Variants in SLX4IP observed in about 807,000 individuals in gnomAD.
SLX4IP encodes protein SLX4IP.
SLX4IP carries 34 observed loss-of-function variants against 32.9 expected under a neutral mutation model. That is an observed-to-expected ratio of 1.03 (90% CI 0.79 to 1.38). The LOEUF is 1.38. Ranked by LOEUF, SLX4IP falls within the 40% of genes most tolerant of loss-of-function variation. The pLI is 0.00. For missense variants in SLX4IP, 444 were observed against 479.0 expected, an observed-to-expected ratio of 0.93 and a Z score of 0.68; for synonymous variants, 172 against 171.7, an observed-to-expected ratio of 1.00 and a Z score of -0.01.
intron 2 of SLX4IP, among the ~76,000 whole-genome samples, chr20:10,518,496 T>C (rs2065876158): frequency 4.3e-5 from 1 of 22,994 alleles, no homozygotes; most frequent in Non-Finnish European, 8.8e-5. Flanking sequence ...TCCTTTTCCT[T>C]CCTTCCTTCC....
chr20:10,500,284 C>T (rs1361027739), intron 2 of SLX4IP, among the ~76,000 whole-genome samples: 1 of 151,948 alleles, frequency 6.6e-6, no homozygotes, highest in Non-Finnish European at 1.5e-5. Flanking sequence ...CCCGCCACCA[C>T]ACCCGGCTAA....
At chr20:10,535,572 C>T (rs775962711) in intron 2 of SLX4IP, among the ~76,000 whole-genome samples, 33 of 152,278 alleles carry the variant, frequency 2.2e-4, no homozygotes, top group Non-Finnish European at 3.4e-4. Context: ...TCCACCTCCT[C>T]GGCCTCCCAA....
At chr20:10,539,951 A>C (rs1372147691) in intron 2 of SLX4IP, among the ~76,000 whole-genome samples, 1 of 152,244 alleles carries the variant, frequency 6.6e-6, no homozygotes, top group Admixed American at 6.5e-5. Context: ...TCTCTAGACC[A>C]GCAGCATCAG....
intron 1 of SLX4IP, among the ~76,000 whole-genome samples, chr20:10,443,218 TAAAA>T (rs202034677): frequency 6.7e-6 from 1 of 150,302 alleles, no homozygotes; most frequent in Admixed American, 6.7e-5. Flanking sequence ...GGTATAAATC[TAAAA>T]AAAAACAAAA....
intron 2 of SLX4IP, among the ~76,000 whole-genome samples, chr20:10,544,148 G>A (rs911374967): frequency 1.3e-4 from 20 of 152,174 alleles, no homozygotes. Context: ...GGATTTACAT[G>A]CAGTTATATC....
At chr20:10,499,299 A>C (rs1359514946) in intron 2 of SLX4IP, among the ~76,000 whole-genome samples, 4 of 152,232 alleles carry the variant, frequency 2.6e-5, no homozygotes, top group Non-Finnish European at 4.4e-5. Context: ...CCCAACATAC[A>C]TACACAATAT....
intron 2 of SLX4IP, among the ~76,000 whole-genome samples, chr20:10,494,932 A>G (rs893368049): frequency 1.3e-5 from 2 of 152,192 alleles, no homozygotes; most frequent in Non-Finnish European, 2.9e-5. Context: ...CCTCATGGTG[A>G]CTATAGTTAT....
intron 2 of SLX4IP, among the ~76,000 whole-genome samples, chr20:10,481,913 G>A (rs1048852782): frequency 6.6e-6 from 1 of 152,142 alleles, no homozygotes; most frequent in African/African-American, 2.4e-5. Context: ...CTCAACAAGT[G>A]GTCCTCTCCA....
At chr20:10,438,560 C>T (rs921452858) in intron 1 of SLX4IP, among the ~76,000 whole-genome samples, 13 of 150,718 alleles carry the variant, frequency 8.6e-5, no homozygotes, top group Admixed American at 3.3e-4. Context: ...TCACTGCAAC[C>T]TCCGCCTCCT....
At chr20:10,495,770 A>G (rs2065662035) in intron 2 of SLX4IP, among the ~76,000 whole-genome samples, 1 of 152,136 alleles carries the variant, frequency 6.6e-6, no homozygotes, top group Non-Finnish European at 1.5e-5. Flanking sequence ...GTCTGCTATT[A>G]ATATTTCAGT....
Position 10,560,642 on chromosome 20 carries a change from T to C in SLX4IP, c.118-58T>C, listed in dbSNP as rs1027300406. On this transcript the variant is annotated intron_variant, in intron 3 of 7. Transcript: ENST00000334534. The stretch of plus-strand genomic sequence containing the variant: ...TGTTCATTGTTAACTTTTTAATATA[T>C]ATGTTAATTTTTTTGCATTAAATTT... The C allele has an allele frequency of 2.4e-6, 3 of 1,257,358 alleles. No individual in the cohort carries two copies. The African/African-American group carries it at 4.7e-5, about 20-fold the overall frequency. 77.9% of individuals were successfully genotyped at this position (1,257,358 alleles called of 1,614,324 possible).
At chr20:10,444,611 C>T (rs1450696580) in intron 1 of SLX4IP, among the ~76,000 whole-genome samples, 1 of 152,030 alleles carries the variant, frequency 6.6e-6, no homozygotes, top group Non-Finnish European at 1.5e-5. Context: ...CTCCTGACCT[C>T]GTGATCCGCC....
chr20:10,609,161 A>T (rs1261221544), intron 6 of SLX4IP, among the ~76,000 whole-genome samples: 1 of 152,152 alleles, frequency 6.6e-6, no homozygotes, highest in East Asian at 1.9e-4. Context: ...TCACATTGAG[A>T]TACGGCTTTG....
At chr20:10,513,464 T>TA (rs772504032) in intron 2 of SLX4IP, among the ~76,000 whole-genome samples, 14 of 152,312 alleles carry the variant, frequency 9.2e-5, no homozygotes, top group African/African-American at 3.1e-4. Flanking sequence ...GTGGAAGACA[T>TA]ACCTCTCATC....
At chr20:10,457,720 T>C (rs1260961495) in intron 1 of SLX4IP, among the ~76,000 whole-genome samples, 2 of 152,192 alleles carry the variant, frequency 1.3e-5, no homozygotes. Flanking sequence ...TCAGAATTAT[T>C]TGAGAAATTT....
intron 4 of SLX4IP, among the ~76,000 whole-genome samples, chr20:10,596,572 T>C (rs941527317): frequency 3.3e-5 from 5 of 152,144 alleles, no homozygotes; most frequent in African/African-American, 1.2e-4. Context: ...AGGAAGAAGA[T>C]TTTTGAAATT....
chr20:10,600,333 A>G (rs1040398130), intron 5 of SLX4IP, among the ~76,000 whole-genome samples: 7 of 152,208 alleles, frequency 4.6e-5, no homozygotes, highest in Non-Finnish European at 7.3e-5. Flanking sequence ...TGAGACCAGA[A>G]CAACAGGTTA....
chr20:10,467,544 TTA>T (rs1568694449), intron 2 of SLX4IP, among the ~76,000 whole-genome samples: 1 of 152,224 alleles, frequency 6.6e-6, no homozygotes. Flanking sequence ...TGTAAGAGCT[TTA>T]TGTTTTAAAG....
chr20:10,459,249 ACT>A (rs751525006), intron 2 of SLX4IP, among the ~76,000 whole-genome samples: 1 of 151,502 alleles, frequency 6.6e-6, no homozygotes, highest in Non-Finnish European at 1.5e-5. Flanking sequence ...TTCCTTGTAG[ACT>A]CTGGATATTA....
Sources: gnomAD v4.1 joint callset for allele counts (sites outside exome capture counted in the v4.1 genomes callset) on GRCh38, gnomAD v4.1.1 for gene constraint, MANE v1.5 for transcripts, NCBI Gene and HGNC (gene_info 2026-07-23, HGNC 2026-07-21) for gene names.